KIF27: variants seen among roughly 807,000 people sequenced by gnomAD.
The protein encoded by KIF27 is kinesin family member 27, also known as kinesin-like protein KIF27.
Under a neutral mutation model 141.8 loss-of-function variants are expected in KIF27, and 84 were observed. The ratio of observed to expected loss-of-function variants is 0.59; its 90% CI spans 0.50 to 0.71. The LOEUF (loss-of-function observed/expected upper bound fraction) is 0.71. Among genes scored for constraint, KIF27 ranks in the 30% least tolerant of loss-of-function variants. The probability of loss-of-function intolerance (pLI) is 0.00; values close to 1 mark genes in which losing one functional copy is unlikely to be tolerated. For synonymous variants in KIF27, 471 were observed against 569.5 expected (o/e 0.83, Z 2.46); for missense variants, 1,306 against 1,628.4 (o/e 0.80, Z 3.41).
chr9:83,852,363 G>A (rs1948702693), intron 15 of KIF27, among the ~76,000 whole-genome samples: 1 of 151,182 alleles, frequency 6.6e-6, no homozygotes, highest in Non-Finnish European at 1.5e-5. Flanking sequence ...TGAGGCAGGA[G>A]AATGGCGTGA....
intron 1 of KIF27, among the ~76,000 whole-genome samples, chr9:83,920,178 C>A (rs966320435): frequency 1.3e-5 from 2 of 152,162 alleles, no homozygotes; most frequent in African/African-American, 4.8e-5. Flanking sequence ...CTGCAGTGTG[C>A]CACTGCACTC....
At chr9:83,838,882 C>T (rs1946232391) in intron 17 of KIF27, 1 of 152,140 alleles carries the variant, frequency 6.6e-6, no homozygotes, top group Non-Finnish European at 1.5e-5. Flanking sequence ...CTCTCAAAAT[C>T]AAATAACCTG....
At chr9:83,908,774 C>T (rs1588294549) in intron 2 of KIF27, 122 bp from the exon 3 acceptor site, 6 of 457,500 alleles carry the variant, frequency 1.3e-5, no homozygotes, top group Non-Finnish European at 1.8e-5. Context: ...TTTTTTTTGG[C>T]GGGGGGACGG....
intron 14 of KIF27, 177 bp downstream of exon 14, chr9:83,858,979 C>G: frequency 1.6e-6 from 1 of 615,716 alleles, no homozygotes; most frequent in African/African-American, 1.8e-5. Flanking sequence ...ATATCTCAGT[C>G]TCTAGTCCAG....
chr9:83,868,693 T>C (rs1214641905), intron 12 of KIF27, among the ~76,000 whole-genome samples: 2 of 152,132 alleles, frequency 1.3e-5, no homozygotes, highest in African/African-American at 4.8e-5. Flanking sequence ...CATATAGTAT[T>C]ATTTCCTAGT....
At chr9:83,874,051 C>CA (rs10708977) in intron 11 of KIF27, among the ~76,000 whole-genome samples, 47,407 of 147,332 alleles carry the variant, frequency 0.32, 8,146 homozygotes, top group African/African-American at 0.48. Context: ...GACTCCGTGT[C>CA]AAAAAAAAAA....
rs776745657 is a variant in KIF27 at position 83,903,411 on chromosome 9, A to G, written c.1107T>C (p.Ala369=). Residue 369 remains alanine, a synonymous_variant, in exon 4 of 18, where the codon GCT becomes GCC. Transcript: ENST00000297814. ...TGACACCAGCCTGCTGGCTTTGCAA[A>G]GCTTCTCGAAGCAATTTAATCTCAA... The part of the protein sequence containing the change: ...MEFEIKLLRE[A]LQSQQAGVSQ... 2 of 1,614,024 alleles carry G rather than the reference A, an allele frequency of 1.2e-6. No individual in the cohort carries two copies. The highest frequency in any genetic ancestry group is 1.7e-6 in the Non-Finnish European group (2 of 1,180,036).
At chr9:83,898,969 CAACAACAACA>C (rs1953559774) in intron 5 of KIF27, 1 of 152,018 alleles carries the variant, frequency 6.6e-6, no homozygotes. Flanking sequence ...ACAAACAAAA[CAACAACAACA>C]AACAACAACA....
At chr9:83,874,620 A>C (rs1428746476) in intron 11 of KIF27, among the ~76,000 whole-genome samples, 1 of 152,076 alleles carries the variant, frequency 6.6e-6, no homozygotes, top group Non-Finnish European at 1.5e-5. Context: ...AAAATTAGAG[A>C]TGTGGCAAGA....
chr9:83,895,285 GTCAA>G (rs1278401902), intron 5 of KIF27, among the ~76,000 whole-genome samples: 1 of 150,576 alleles, frequency 6.6e-6, no homozygotes, highest in Non-Finnish European at 1.5e-5. Context: ...AAAAAATCAG[GTCAA>G]TCAGTGTAAC....
chr9:83,875,035 GTCT>G (rs1049242452), intron 11 of KIF27, among the ~76,000 whole-genome samples: 5 of 151,510 alleles, frequency 3.3e-5, no homozygotes, highest in Non-Finnish European at 7.4e-5. Flanking sequence ...AGAAGACAGT[GTCT>G]TCTTTTCCCT....
intron 2 of KIF27, among the ~76,000 whole-genome samples, chr9:83,910,033 C>T (rs1165037508): frequency 6.6e-6 from 1 of 151,366 alleles, no homozygotes; most frequent in South Asian, 2.1e-4. Context: ...GCCTAGGTGA[C>T]AGAGCAAGAC....
intron 1 of KIF27, among the ~76,000 whole-genome samples, chr9:83,916,614 T>C (rs931977766): frequency 6.6e-5 from 10 of 151,838 alleles, no homozygotes; most frequent in African/African-American, 2.4e-4. Context: ...GTTTCCTGGC[T>C]AAAAATATAT....
chr9:83,834,613 T>C lies in KIF27; in HGVS notation c.*2388A>G, dbSNP rs1400942507. On this transcript the variant is annotated 3_prime_UTR_variant, in exon 18 of 18. Coordinates refer to ENST00000297814, the MANE Select transcript of KIF27 (RefSeq NM_017576.4). ...AGTATGTGTTAATTTCTTGAGCAAG[T>C]AGGATTCCAGTATCAGAATACATTC... 2.0e-5 allele frequency among the ~76,000 whole-genome samples: 3 copies of C among 151,966 alleles called. No homozygotes were observed. Among genetic ancestry groups the C allele is most frequent in the African/African-American group, 4.8e-5 (2 of 41,418 alleles).
chr9:83,915,415 T>G lies in KIF27; in HGVS notation c.177A>C (p.Glu59Asp), dbSNP rs1413859659. ...GGGGCTTTATACATGTGTTATAAAC[T>G]TCATCTTGAGTGGAATTTTTGCCAA... ...FVFGKNSTQD[E>D]VYNTCIKPLV... Residue 59 changes from glutamate (E) to aspartate (D), a missense_variant, in exon 2 of 18, where the codon GAA becomes GAC. By Grantham distance (45) the Glu-to-Asp change is conservative. Transcript: ENST00000297814. The G allele has an allele frequency of 6.2e-7, 1 of 1,613,746 alleles. No homozygotes were observed. The highest frequency in any genetic ancestry group is 8.5e-7 in the Non-Finnish European group (1 of 1,179,824).
chr9:83,856,091 G>C (rs1949167754), intron 14 of KIF27, among the ~76,000 whole-genome samples: 1 of 152,122 alleles, frequency 6.6e-6, no homozygotes, highest in Admixed American at 6.6e-5. Context: ...ATCAAGAGTT[G>C]ACTCTGCTTT....
In KIF27 at chr9:83,834,294, A is replaced by G. The variant is rs760997017; in HGVS notation, c.*2707T>C. On this transcript the variant is annotated 3_prime_UTR_variant, in exon 18 of 18. Transcript: ENST00000297814. ...TTTTACTTGCCTTGGGTAGGTGTCT[A>G]ATTTTTTTCTTTCCTTTGTGAGAAC... Among the ~76,000 whole-genome samples, 4 of 152,118 alleles carry G rather than the reference A, an allele frequency of 2.6e-5. No homozygotes were observed. Among genetic ancestry groups the G allele is most frequent in the Admixed American group, 6.6e-5 (1 of 15,258 alleles).
chr9:83,840,186 C>G (rs576344052), intron 17 of KIF27, among the ~76,000 whole-genome samples: 38 of 152,000 alleles, frequency 2.5e-4, no homozygotes, highest in Non-Finnish European at 4.6e-4. Context: ...AAAGCATGGG[C>G]AAAATATGAA....
intron 12 of KIF27, among the ~76,000 whole-genome samples, chr9:83,869,224 T>C (rs559905609): frequency 6.6e-6 from 1 of 152,160 alleles, no homozygotes; most frequent in African/African-American, 2.4e-5. Flanking sequence ...GAATAAATCT[T>C]TCTAAAGTAA....
Sources: allele counts gnomAD v4.1 joint callset (sites outside exome capture counted in the v4.1 genomes callset), GRCh38; gene constraint gnomAD v4.1.1; transcripts MANE v1.5; gene names NCBI Gene and HGNC (gene_info 2026-07-23, HGNC 2026-07-21).